The following CTNNA3 variants were observed in gnomAD, a reference collection of about 807,000 sequenced individuals.
CTNNA3 encodes catenin alpha-3.
Under a neutral mutation model 95.7 loss-of-function variants are expected in CTNNA3, and 76 were observed. The observed-to-expected ratio is 0.79, with a 90% confidence interval of 0.66 to 0.96. CTNNA3 has a LOEUF of 0.96. Among genes scored for constraint, CTNNA3 ranks in the 40% least tolerant of loss-of-function variants. The pLI, the probability that CTNNA3 is intolerant of heterozygous loss-of-function variation, is 0.00. For synonymous variants in CTNNA3, 431 were observed against 374.4 expected (o/e 1.15, Z -1.74); for missense variants, 1,191 against 1,089.8 (o/e 1.09, Z -1.31).
At chr10:67,158,686 T>C (rs941051371) in intron 7 of CTNNA3, among the ~76,000 whole-genome samples, 6 of 152,124 alleles carry the variant, frequency 3.9e-5, no homozygotes, top group African/African-American at 7.2e-5. Context: ...TTAAAACTCT[T>C]ATAATAAAAG....
intron 12 of CTNNA3, among the ~76,000 whole-genome samples, chr10:66,318,276 A>ATATATATGTGTGTGTGTGTGTGTGTG (rs33943741): frequency 7.3e-6 from 1 of 136,602 alleles, no homozygotes; most frequent in East Asian, 2.2e-4. Context: ...ATATATATAT[A>ATATATATGTGTGTGTGTGTGTGTGTG]TGTGTGTGTG....
intron 7 of CTNNA3, chr10:67,054,829 AAGT>A (rs1421674817): frequency 1.4e-4 from 21 of 152,124 alleles, no homozygotes. Flanking sequence ...TACTTCTTTT[AAGT>A]AGTTGTGAGG....
intron 13 of CTNNA3, among the ~76,000 whole-genome samples, chr10:66,273,805 G>A (rs1297540910): frequency 6.6e-6 from 1 of 151,884 alleles, no homozygotes. Flanking sequence ...GAAAAGAAAG[G>A]GTGAGAAAAA....
chr10:66,868,040 GATA>G (rs1844249470), intron 7 of CTNNA3, among the ~76,000 whole-genome samples: 1 of 148,004 alleles, frequency 6.8e-6, no homozygotes, highest in African/African-American at 2.5e-5. Flanking sequence ...GAGTATTTAT[GATA>G]ATAATAATGA....
intron 9 of CTNNA3, among the ~76,000 whole-genome samples, chr10:66,692,277 T>C (rs1475873379): frequency 3.3e-5 from 5 of 152,132 alleles, no homozygotes; most frequent in Admixed American, 2.6e-4. Context: ...AAGGAGCTGA[T>C]GGAGCTGAAA....
At position 66,060,337 on chromosome 10, in the gene CTNNA3, C is replaced by G. The variant is rs970051768; in HGVS notation, c.2159+8971G>C. On this transcript the variant is annotated intron_variant, in intron 15 of 17. Coordinates refer to ENST00000433211, the MANE Select transcript of CTNNA3 (RefSeq NM_013266.4). ...TCTCATAAAGAGAAAACTTTCACAA[C>G]CTTAATAAAAACTAATGGGCTTCCA... Among the ~76,000 whole-genome samples, 7 of 152,024 alleles carry G rather than the reference C, an allele frequency of 4.6e-5. 1 individual carries two copies. Among genetic ancestry groups the G allele is most frequent in the Non-Finnish European group, 1.0e-4 (7 of 67,984 alleles).
chr10:67,445,289 A>G (rs969022027), intron 5 of CTNNA3, among the ~76,000 whole-genome samples: 3 of 152,160 alleles, frequency 2.0e-5, no homozygotes, highest in Non-Finnish European at 4.4e-5. Context: ...CAAAACAACC[A>G]GAAAACAAAT....
At chr10:66,376,591 G>A (rs1435186618) in intron 12 of CTNNA3, among the ~76,000 whole-genome samples, 4 of 152,100 alleles carry the variant, frequency 2.6e-5, no homozygotes, top group Non-Finnish European at 5.9e-5. Flanking sequence ...ATTTAGATAA[G>A]TATGGCTTAT....
rs190784068 is a variant in CTNNA3, at chr10:66,312,440, G to C, written c.1733-31819C>G. On this transcript the variant is annotated intron_variant, in intron 12 of 17. Coordinates refer to ENST00000433211, the MANE Select transcript of CTNNA3 (RefSeq NM_013266.4). ...AATGTGTGTTTTTGTGTGTGTATGTGTGTGTTGTGTTGTGTGTGTGTATAA... is the reference window on the plus strand; with the variant it reads ...AATGTGTGTTTTTGTGTGTGTATGTCTGTGTTGTGTTGTGTGTGTGTATAA... 7.9e-5 allele frequency among the ~76,000 whole-genome samples: 12 copies of C among 152,138 alleles called. 1 individual carries two copies. Among genetic ancestry groups the C allele is most frequent in the Admixed American group, 6.5e-4 (10 of 15,284 alleles).
chr10:67,350,307 C>A (rs766709638), intron 5 of CTNNA3, among the ~76,000 whole-genome samples: 63 of 151,882 alleles, frequency 4.1e-4, no homozygotes, highest in Admixed American at 8.5e-4. Flanking sequence ...GAAGAAAGCA[C>A]CATTATAGAA....
intron 7 of CTNNA3, chr10:67,015,555 G>A (rs1321228521): frequency 6.6e-6 from 1 of 152,026 alleles, no homozygotes; most frequent in Admixed American, 6.6e-5. Flanking sequence ...CATGTAGCTG[G>A]TATCTTTTCC....
intron 15 of CTNNA3, among the ~76,000 whole-genome samples, chr10:66,059,039 G>T (rs1035888193): frequency 1.3e-5 from 2 of 151,918 alleles, no homozygotes; most frequent in African/African-American, 2.4e-5. Flanking sequence ...TCCCCAGAAG[G>T]TTGGCCCATT....
At chr10:67,500,395 A>G (rs1839191347) in intron 5 of CTNNA3, among the ~76,000 whole-genome samples, 1 of 152,228 alleles carries the variant, frequency 6.6e-6, no homozygotes, top group Non-Finnish European at 1.5e-5. Flanking sequence ...GCTGAGAAGA[A>G]TGTACATTCT....
chr10:66,547,454 T>C (rs993097790), intron 10 of CTNNA3, among the ~76,000 whole-genome samples: 1 of 148,306 alleles, frequency 6.7e-6, no homozygotes, highest in East Asian at 2.0e-4. Flanking sequence ...GCCATTCTCC[T>C]GCCTCAGCCT....
At chr10:66,637,574 GAAATCCCAC>G (rs1293407300) in intron 9 of CTNNA3, among the ~76,000 whole-genome samples, 6 of 152,204 alleles carry the variant, frequency 3.9e-5, no homozygotes, top group African/African-American at 1.4e-4. Context: ...TCTGAAGAAA[GAAATCCCAC>G]AGCATTCTGG....
intron 13 of CTNNA3, among the ~76,000 whole-genome samples, chr10:66,243,170 T>C (rs1258857247): frequency 6.6e-6 from 1 of 152,170 alleles, no homozygotes; most frequent in Non-Finnish European, 1.5e-5. Flanking sequence ...GGCAATCAGA[T>C]ACATCACAAA....
intron 7 of CTNNA3, among the ~76,000 whole-genome samples, chr10:67,179,871 G>A (rs1484689422): frequency 6.6e-6 from 1 of 151,872 alleles, no homozygotes; most frequent in East Asian, 1.9e-4. Flanking sequence ...AACCTGCATG[G>A]GCTCTTTACA....
chr10:65,998,526 C>G (rs190297568), intron 15 of CTNNA3, among the ~76,000 whole-genome samples: 2 of 152,228 alleles, frequency 1.3e-5, no homozygotes, highest in Non-Finnish European at 2.9e-5. Flanking sequence ...TTCCTTGTCC[C>G]TAGCAGAGAA....
At chr10:67,603,586 A>T (rs935665040) in intron 3 of CTNNA3, among the ~76,000 whole-genome samples, 2 of 151,418 alleles carry the variant, frequency 1.3e-5, no homozygotes, top group African/African-American at 4.8e-5. Context: ...AGATTTTAGT[A>T]AAAAAAACTT....
Sources: gnomAD v4.1 joint callset for allele counts (sites outside exome capture counted in the v4.1 genomes callset) on GRCh38, gnomAD v4.1.1 for gene constraint, MANE v1.5 for transcripts, NCBI Gene and HGNC (gene_info 2026-07-23, HGNC 2026-07-21) for gene names.